ZNF536: variants seen among roughly 807,000 people sequenced by gnomAD.
ZNF536 encodes the protein zinc finger protein 536.
In ZNF536, 13 loss-of-function variants were observed where a neutral mutation model predicts 84.5. The ratio of observed to expected loss-of-function variants is 0.15; its 90% CI spans 0.10 to 0.24. The LOEUF (loss-of-function observed/expected upper bound fraction) is 0.24, where lower values mean the gene tolerates loss of function less well. ZNF536 is among the 10% of genes least tolerant of loss of function. The probability of loss-of-function intolerance (pLI) is 1.00; values close to 1 mark genes in which losing one functional copy is unlikely to be tolerated. For synonymous variants in ZNF536, 811 were observed against 742.5 expected (o/e 1.09, Z -1.50); for missense variants, 1,536 against 1,747.5 (o/e 0.88, Z 2.16).
At chr19:30,259,494 G>C (rs2025084657) in intron 1 of ZNF536, among the ~76,000 whole-genome samples, 1 of 152,112 alleles carries the variant, frequency 6.6e-6, no homozygotes, top group Admixed American at 6.5e-5. Flanking sequence ...AACGCTGTGG[G>C]TTAGGCCCAG....
chr19:30,398,412 T>C (rs1600558482), intron 1 of ZNF536, among the ~76,000 whole-genome samples: 1 of 152,006 alleles, frequency 6.6e-6, no homozygotes, highest in African/African-American at 2.4e-5. Context: ...AATTATAGTT[T>C]AAGTTATAGG....
rs111807969 is a variant in ZNF536 at position 30,654,634 on chromosome 19, T to C, written c.170-56123T>C. On this transcript the variant is annotated intron_variant, in intron 1 of 1. Coordinates refer to the ZNF536 transcript ENST00000592773. ...CTTCCCTGGGCGGTGGCTATCTAGGTCTTTAGTTCTTTTAACCGGGCGATT... is the reference window on the plus strand; with the variant it reads ...CTTCCCTGGGCGGTGGCTATCTAGGCCTTTAGTTCTTTTAACCGGGCGATT... Among the ~76,000 whole-genome samples the C allele has an allele frequency of 1.6e-3, 244 of 152,092 alleles. 2 individuals are homozygous for C. The highest frequency in any genetic ancestry group is 5.6e-3 in the African/African-American group (231 of 41,482).
At chr19:30,661,280 A>G (rs1170198404) in intron 1 of ZNF536, among the ~76,000 whole-genome samples, 3 of 152,286 alleles carry the variant, frequency 2.0e-5, no homozygotes, top group Non-Finnish European at 4.4e-5. Context: ...TCTTAATTTA[A>G]TCTTTCTTCT....
intron 1 of ZNF536, among the ~76,000 whole-genome samples, chr19:30,281,173 TC>T (rs2045430082): frequency 6.6e-6 from 1 of 152,102 alleles, no homozygotes. Context: ...TGTCTCCCCT[TC>T]CTCAGAGAGG....
rs1005894805 is a variant in ZNF536, at chr19:30,610,451, G to A, written c.169+60937G>A. Among the ~76,000 whole-genome samples, 4 of 152,154 alleles carry A rather than the reference G, an allele frequency of 2.6e-5. No individual in the cohort carries two copies. The East Asian group carries it at 7.7e-4, about 29-fold the overall frequency. On this transcript the variant is annotated intron_variant, in intron 1 of 1. Transcript: ENST00000592773. ...GTGGGGGTCTCCCCCTCTGGGTGGG[G>A]GAGGCTAAGTCTGTGGATGGCTGCT...
chr19:30,345,673 T>C (rs1475675635), intron 2 of ZNF536, among the ~76,000 whole-genome samples: 1 of 152,236 alleles, frequency 6.6e-6, no homozygotes, highest in African/African-American at 2.4e-5. Flanking sequence ...TGACATCTTA[T>C]GACCAGGTCA....
intron 2 of ZNF536, among the ~76,000 whole-genome samples, chr19:30,317,545 G>T (rs953045044): frequency 2.0e-5 from 3 of 152,182 alleles, no homozygotes; most frequent in Admixed American, 6.5e-5. Context: ...CCTTCCAGGG[G>T]TCTGTGCTCC....
intron 1 of ZNF536, among the ~76,000 whole-genome samples, chr19:30,380,704 T>C (rs1320676071): frequency 6.6e-6 from 1 of 152,140 alleles, no homozygotes; most frequent in Non-Finnish European, 1.5e-5. Context: ...TGTGTTCTGA[T>C]TTCCCTTAGA....
At chr19:30,463,308 G>A (rs1228605339) in intron 2 of ZNF536, among the ~76,000 whole-genome samples, 3 of 152,190 alleles carry the variant, frequency 2.0e-5, no homozygotes, top group African/African-American at 4.8e-5. Context: ...CACTAGAGGG[G>A]TCTTCCCTCC....
intron 2 of ZNF536, among the ~76,000 whole-genome samples, chr19:30,485,784 AC>A (rs2054282087): frequency 6.6e-6 from 1 of 152,060 alleles, no homozygotes; most frequent in Admixed American, 6.6e-5. Context: ...AGAAAATCAA[AC>A]TTTTGTTGAT....
chr19:30,409,111 C>T (rs1199585451), intron 1 of ZNF536, among the ~76,000 whole-genome samples: 3 of 152,170 alleles, frequency 2.0e-5, no homozygotes, highest in Non-Finnish European at 4.4e-5. Flanking sequence ...CCATTATCAT[C>T]CATTCGTCTA....
chr19:30,325,651 T>C (rs930422929), intron 2 of ZNF536, among the ~76,000 whole-genome samples: 1 of 152,174 alleles, frequency 6.6e-6, no homozygotes, highest in Non-Finnish European at 1.5e-5. Flanking sequence ...TAGGGGTGGC[T>C]GAGGGGAGCA....
intron 1 of ZNF536, among the ~76,000 whole-genome samples, chr19:30,270,495 C>G (rs986732146): frequency 9.2e-5 from 14 of 152,134 alleles, no homozygotes; most frequent in South Asian, 8.3e-4. Flanking sequence ...TAGACACTGC[C>G]TGTCAAAAAT....
chr19:30,340,965 G>A (rs1309533839), intron 2 of ZNF536, among the ~76,000 whole-genome samples: 2 of 151,976 alleles, frequency 1.3e-5, no homozygotes, highest in East Asian at 1.9e-4. Flanking sequence ...AGGGAGACTC[G>A]AGAAAAAAAT....
intron 1 of ZNF536, among the ~76,000 whole-genome samples, chr19:30,697,221 G>A (rs2051700067): frequency 1.3e-5 from 2 of 152,064 alleles, no homozygotes; most frequent in Admixed American, 1.3e-4. Context: ...GGGGGAAATG[G>A]TCCCCATGAT....
chr19:30,562,608 T>C (rs2046212584), downstream of ZNF536, among the ~76,000 whole-genome samples: 1 of 152,176 alleles, frequency 6.6e-6, no homozygotes, highest in Non-Finnish European at 1.5e-5. Flanking sequence ...TTTTTTATGA[T>C]GATCAGGTTA....
chr19:30,653,701 C>T (rs1478970109), intron 1 of ZNF536, among the ~76,000 whole-genome samples: 1 of 149,920 alleles, frequency 6.7e-6, no homozygotes, highest in Non-Finnish European at 1.5e-5. Flanking sequence ...CCCTTAGGAG[C>T]AGGTGATGGA....
Position 30,444,849 on chromosome 19 carries a change from G to T in ZNF536, c.1287G>T (p.Arg429Ser). 1 of 1,613,564 alleles carries T rather than the reference G, an allele frequency of 6.2e-7. No individual in the cohort carries two copies. The highest frequency in any genetic ancestry group is 8.5e-7 in the Non-Finnish European group (1 of 1,180,006). ...SQEAHANLYS[R>S]YLSCLQSGFM... ...AGGCCCACGCCAACCTGTACTCCAG[G>T]TACCTCTCCTGCCTGCAGAGTGGCT... The change falls in exon 2 of 5, where the codon AGG (arginine) becomes AGT (serine). Residue 429 changes from arginine (R) to serine (S), a missense_variant. Transcript: ENST00000355537.
chr19:30,321,248 A>G (rs1254496212), intron 2 of ZNF536, among the ~76,000 whole-genome samples: 3 of 152,138 alleles, frequency 2.0e-5, no homozygotes, highest in African/African-American at 4.8e-5. Context: ...TGCCCTCACC[A>G]TGCTCATAGT....
Sources: allele counts gnomAD v4.1 joint callset (sites outside exome capture counted in the v4.1 genomes callset), GRCh38; gene constraint gnomAD v4.1.1; transcripts MANE v1.5; gene names NCBI Gene and HGNC (gene_info 2026-07-23, HGNC 2026-07-21).